Variants in CD8B2 observed in about 807,000 individuals in gnomAD.
The protein encoded by CD8B2 is T-cell surface glycoprotein CD8 beta-2 chain.
CD8B2 carries 11 observed loss-of-function variants against 23.7 expected under a neutral mutation model. That is an observed-to-expected ratio of 0.46 (90% confidence interval 0.29 to 0.77). The LOEUF is 0.77. Among genes scored for constraint, CD8B2 ranks in the 30% least tolerant of loss-of-function variants. The pLI is 0.09. For synonymous variants in CD8B2, 90 were observed against 109.3 expected (o/e 0.82, Z 1.10); for missense variants, 197 against 270.5 (o/e 0.73, Z 1.91).
chr2:106,520,270 C>T (rs1679803986), intron 5 of CD8B2, among the ~76,000 whole-genome samples: 1 of 152,134 alleles, frequency 6.6e-6, no homozygotes, highest in Admixed American at 6.5e-5. Flanking sequence ...CATTTGAAAA[C>T]ATGAGGAAAC....
chr2:106,501,354 A>G (rs896068998), intron 3 of CD8B2, among the ~76,000 whole-genome samples: 3 of 152,082 alleles, frequency 2.0e-5, no homozygotes, highest in African/African-American at 7.3e-5. Flanking sequence ...AACAATTTGT[A>G]CAGTATAATC....
chr2:106,488,518 C>G (rs973529334), intron 1 of CD8B2, among the ~76,000 whole-genome samples: 4 of 152,122 alleles, frequency 2.6e-5, no homozygotes, highest in African/African-American at 7.2e-5. Context: ...TTACAGGAGT[C>G]GCTTCTGGGT....
intron 2 of CD8B2, among the ~76,000 whole-genome samples, chr2:106,493,869 A>AAAC (rs1256872202): frequency 6.6e-6 from 1 of 152,204 alleles, no homozygotes; most frequent in African/African-American, 2.4e-5. Flanking sequence ...CCTGGATAAA[A>AAAC]TGGGGACAAC....
intron 1 of CD8B2, 91 bp from the exon 2 acceptor site, chr2:106,490,783 T>A: frequency 6.6e-7 from 1 of 1,525,396 alleles, no homozygotes; most frequent in Non-Finnish European, 8.8e-7. Context: ...CTTCCATGGC[T>A]TTTCCTTTGA....
At chr2:106,522,226 A>C (rs938485586) in intron 5 of CD8B2, 1 of 152,164 alleles carries the variant, frequency 6.6e-6, no homozygotes, top group African/African-American at 2.4e-5. Flanking sequence ...GCTCTCCTCT[A>C]CACAGGGCTA....
chr2:106,527,338 C>T (rs1205140451), intron 5 of CD8B2, among the ~76,000 whole-genome samples: 1 of 152,196 alleles, frequency 6.6e-6, no homozygotes, highest in African/African-American at 2.4e-5. Context: ...GACTGCTGGT[C>T]GCAGGTTCCT....
chr2:106,530,824 G>A (rs1287375631), intron 5 of CD8B2, among the ~76,000 whole-genome samples: 3 of 152,244 alleles, frequency 2.0e-5, no homozygotes, highest in East Asian at 1.9e-4. Context: ...CCAAGAAGGC[G>A]GTGAGAGTGA....
chr2:106,490,576 G>T (rs532825515), intron 1 of CD8B2, among the ~76,000 whole-genome samples: 16 of 152,310 alleles, frequency 1.1e-4, no homozygotes, highest in Non-Finnish European at 2.4e-4. Flanking sequence ...GCTTGATTGA[G>T]TTCCTTTATG....
chr2:106,487,452 T>C lies in CD8B2; in HGVS notation c.26T>C (p.Leu9Pro). 3.2e-6 allele frequency: 4 copies of C among 1,249,232 alleles called. No individual in the cohort carries two copies. Among genetic ancestry groups the C allele is most frequent in the Non-Finnish European group, 4.0e-6 (4 of 998,598 alleles). 77.4% of individuals were successfully genotyped at this position (1,249,232 alleles called of 1,614,324 possible). A position where few individuals can be genotyped will look rare whatever the true frequency, so the allele number is the denominator to read the frequency against. MRPRLWLL[L>P]AAQLTVLHGN... Reference sequence around the variant, plus strand: ...ATGCGGCCGCGGCTGTGGCTCCTCCTGGCCGCGCAGCTGACAGGTAAGGCG... The same window carrying C: ...ATGCGGCCGCGGCTGTGGCTCCTCCCGGCCGCGCAGCTGACAGGTAAGGCG... Residue 9 changes from leucine to proline, a missense_variant, in exon 1 of 6, where the codon CTG becomes CCG. This residue lies in a region of CD8B2 where 140 missense variants were observed against 164.2 expected (regional missense o/e 0.85). Transcript: ENST00000643224.
intron 5 of CD8B2, among the ~76,000 whole-genome samples, chr2:106,517,867 A>C (rs960883383): frequency 2.4e-4 from 37 of 151,914 alleles, no homozygotes; most frequent in South Asian, 6.2e-4. Flanking sequence ...CGCCCGCCAC[A>C]ACGCCCGGCT....
In CD8B2 at chr2:106,494,156, C is replaced by CT. The variant is rs58958773; in HGVS notation, c.404-2004dup. 7.8e-3 allele frequency among the ~76,000 whole-genome samples: 1,120 copies of CT among 144,182 alleles called. 11 individuals are homozygous for CT. The highest frequency in any genetic ancestry group is 0.019 in the African/African-American group (755 of 39,748). 94.6% of individuals were successfully genotyped at this position (144,182 alleles called of 152,430 possible). A position where few individuals can be genotyped will look rare whatever the true frequency, so the allele number is the denominator to read the frequency against. ...GTTCCCCCTTACAACCCCCCAACAC[C>CT]TTTTTTTTTTTTTGAGACGGAGTCA... On this transcript the variant is annotated intron_variant, in intron 2 of 5. Coordinates refer to ENST00000643224, the MANE Select transcript of CD8B2 (RefSeq NM_001349727.2).
At chr2:106,540,528 AG>A (rs1680155780) in intron 5 of CD8B2, among the ~76,000 whole-genome samples, 1 of 151,736 alleles carries the variant, frequency 6.6e-6, no homozygotes, top group African/African-American at 2.4e-5. Context: ...CACAGTCTTG[AG>A]GGGGAAAAAG....
At chr2:106,498,754 G>T (rs1679346231) in intron 3 of CD8B2, among the ~76,000 whole-genome samples, 1 of 152,174 alleles carries the variant, frequency 6.6e-6, no homozygotes, top group Non-Finnish European at 1.5e-5. Context: ...AAATGGGGAT[G>T]CAGGATTAAA....
chr2:106,526,752 C>T (rs566946711), intron 5 of CD8B2, among the ~76,000 whole-genome samples: 105 of 152,208 alleles, frequency 6.9e-4, no homozygotes, highest in Non-Finnish European at 1.3e-3. Context: ...CTGGTTCAAG[C>T]GATTCTCCTG....
intron 5 of CD8B2, among the ~76,000 whole-genome samples, chr2:106,542,631 TA>T (rs1422418111): frequency 6.7e-6 from 1 of 148,270 alleles, no homozygotes; most frequent in Non-Finnish European, 1.5e-5. Flanking sequence ...ATGTAATGTA[TA>T]AAATAGGTTA....
intron 5 of CD8B2, among the ~76,000 whole-genome samples, chr2:106,533,788 G>A (rs1008361372): frequency 1.3e-4 from 20 of 152,206 alleles, no homozygotes; most frequent in Non-Finnish European, 5.9e-5. Flanking sequence ...GAGTTCCTCG[G>A]CAAACAGCTG....
At chr2:106,502,690 G>A (rs908106739) in intron 4 of CD8B2, 127 bp downstream of exon 4, 56 of 569,272 alleles carry the variant, frequency 9.8e-5, no homozygotes, top group African/African-American at 7.7e-4. Flanking sequence ...GAGAACCTGC[G>A]GTATTTCCGG....
At chr2:106,493,560 C>G (rs369968197) in intron 2 of CD8B2, among the ~76,000 whole-genome samples, 1 of 151,972 alleles carries the variant, frequency 6.6e-6, no homozygotes, top group Admixed American at 6.6e-5. Flanking sequence ...ACTCTAGGGC[C>G]GTGAGGATTG....
chr2:106,529,182 G>T (rs929531956), intron 5 of CD8B2, among the ~76,000 whole-genome samples: 1 of 152,190 alleles, frequency 6.6e-6, no homozygotes, highest in African/African-American at 2.4e-5. Flanking sequence ...ATTAGCTAAA[G>T]AAGACTCTGT....
Sources: allele counts gnomAD v4.1 joint callset (sites outside exome capture counted in the v4.1 genomes callset), GRCh38; gene constraint gnomAD v4.1.1; regional missense constraint gnomAD v4.1.1; transcripts MANE v1.5; gene names NCBI Gene and HGNC (gene_info 2026-07-23, HGNC 2026-07-21).